The following L3MBTL4 variants were observed in gnomAD, a reference collection of about 807,000 sequenced individuals.
L3MBTL4 encodes L3MBTL histone methyl-lysine binding protein 4.
L3MBTL4 carries 70 observed loss-of-function variants against 84.5 expected under a neutral mutation model. That is an observed-to-expected ratio of 0.83 (90% CI 0.68 to 1.01). The LOEUF (loss-of-function observed/expected upper bound fraction) is 1.01. Ranked by LOEUF, L3MBTL4 falls within the 50% of genes least tolerant of loss-of-function variation. The pLI is 0.00. For synonymous variants in L3MBTL4, 274 were observed against 259.8 expected, an observed-to-expected ratio of 1.05 and a Z score of -0.52; for missense variants, 715 against 754.8, an observed-to-expected ratio of 0.95 and a Z score of 0.62.
chr18:6,345,215 C>CAAAAAAAAAAAAAAAAAAAAAAA (rs35502624), intron 1 of L3MBTL4, among the ~76,000 whole-genome samples: 2 of 38,482 alleles, frequency 5.2e-5, no homozygotes, highest in Admixed American at 3.6e-4. Flanking sequence ...TACTAAAATA[C>CAAAAAAAAAAAAAAAAAAAAAAA]AAAAAAAAAA....
chr18:6,238,105 A>G, intron 9 of L3MBTL4, 65 bp from the exon 10 acceptor site: 1 of 1,383,930 alleles, frequency 7.2e-7, no homozygotes, highest in East Asian at 2.3e-5. Flanking sequence ...ATTCAAGAGT[A>G]ACAATCATTC....
intron 12 of L3MBTL4, among the ~76,000 whole-genome samples, chr18:6,191,954 C>T (rs1055675686): frequency 6.6e-6 from 1 of 151,334 alleles, no homozygotes; most frequent in Non-Finnish European, 1.5e-5. Context: ...TGCACTACTG[C>T]ACTGCAGCCT....
At chr18:5,959,835 C>T (rs2095253330) in intron 18 of L3MBTL4, among the ~76,000 whole-genome samples, 1 of 151,928 alleles carries the variant, frequency 6.6e-6, no homozygotes, top group African/African-American at 2.4e-5. Context: ...TGCAACAAAA[C>T]CTAGCAAAAT....
intron 4 of L3MBTL4, among the ~76,000 whole-genome samples, chr18:6,282,617 C>T (rs1424287826): frequency 1.3e-5 from 2 of 152,136 alleles, no homozygotes; most frequent in Non-Finnish European, 1.5e-5. Flanking sequence ...GCTTGGAGGC[C>T]TTAGTAAGAA....
intron 14 of L3MBTL4, among the ~76,000 whole-genome samples, chr18:6,132,291 T>A (rs1225295057): frequency 6.6e-6 from 1 of 152,220 alleles, no homozygotes; most frequent in East Asian, 1.9e-4. Context: ...AGTTCTCTAA[T>A]TTTTGTCTTC....
intron 16 of L3MBTL4, among the ~76,000 whole-genome samples, chr18:6,013,605 G>A (rs755407623): frequency 2.6e-5 from 4 of 152,246 alleles, no homozygotes; most frequent in African/African-American, 4.8e-5. Flanking sequence ...GCGCGTCCTC[G>A]GCCCTCTGTG....
rs117263049 is a variant in L3MBTL4 at position 6,054,529 on chromosome 18, T to C, written c.1444+26352A>G. On this transcript the variant is annotated intron_variant, in intron 16 of 18. Coordinates refer to ENST00000317931, the MANE Select transcript of L3MBTL4 (RefSeq NM_001330559.2). ...ACATCCTTCTTTTCCTCCGAGGCCC[T>C]CTGCCCTCGCCCCCGCCCCTTCCCT... Among the ~76,000 whole-genome samples the C allele has an allele frequency of 9.8e-3, 1,488 of 152,306 alleles. 10 individuals are homozygous for C. The highest frequency in any genetic ancestry group is 0.014 in the Non-Finnish European group (941 of 68,022).
intron 14 of L3MBTL4, among the ~76,000 whole-genome samples, chr18:6,123,495 T>G (rs1245880047): frequency 6.6e-6 from 1 of 152,192 alleles, no homozygotes; most frequent in Non-Finnish European, 1.5e-5. Flanking sequence ...GCTGTTCCCC[T>G]GCATAGGCTC....
At chr18:6,373,219 C>T (rs1177670723) in intron 1 of L3MBTL4, among the ~76,000 whole-genome samples, 4 of 152,170 alleles carry the variant, frequency 2.6e-5, no homozygotes, top group African/African-American at 9.7e-5. Flanking sequence ...GTCTCTGCAA[C>T]CTCATCCGTG....
intron 12 of L3MBTL4, among the ~76,000 whole-genome samples, chr18:6,182,543 A>G (rs1489438943): frequency 6.6e-6 from 1 of 152,190 alleles, no homozygotes; most frequent in East Asian, 1.9e-4. Context: ...CTTTAGCTTA[A>G]TTAGGTCCAA....
At chr18:6,212,068 TAA>T (rs1568322323) in intron 12 of L3MBTL4, among the ~76,000 whole-genome samples, 1 of 152,182 alleles carries the variant, frequency 6.6e-6, no homozygotes, top group African/African-American at 2.4e-5. Context: ...CAGAAATAAA[TAA>T]GAGTTAAAGC....
intron 12 of L3MBTL4, among the ~76,000 whole-genome samples, chr18:6,197,802 C>A (rs1037393861): frequency 6.6e-6 from 1 of 152,216 alleles, no homozygotes; most frequent in Non-Finnish European, 1.5e-5. Flanking sequence ...TCCTGCCAGA[C>A]CCAGATTTCT....
chr18:6,196,154 C>T (rs1241010285), intron 12 of L3MBTL4, among the ~76,000 whole-genome samples: 2 of 139,648 alleles, frequency 1.4e-5, no homozygotes, highest in South Asian at 2.2e-4. Context: ...ATCTAGAGTT[C>T]CTCTTTTTTT....
At chr18:6,031,768 C>G in intron 16 of L3MBTL4, 2 of 984,670 alleles carry the variant, frequency 2.0e-6, no homozygotes, top group Non-Finnish European at 2.4e-6. Flanking sequence ...CTCTGTGTGC[C>G]TATCTGCAGT....
At chr18:6,325,172 A>G (rs913065193) in intron 1 of L3MBTL4, among the ~76,000 whole-genome samples, 2 of 152,210 alleles carry the variant, frequency 1.3e-5, no homozygotes, top group East Asian at 1.9e-4. Flanking sequence ...AAATTAAGAG[A>G]TAAGTTCATG....
chr18:6,079,609 T>C (rs1251389708), intron 16 of L3MBTL4, among the ~76,000 whole-genome samples: 1 of 152,216 alleles, frequency 6.6e-6, no homozygotes, highest in Non-Finnish European at 1.5e-5. Context: ...ATTTATGATA[T>C]GAACTACAAA....
chr18:6,266,503 G>A (rs1250436178), intron 4 of L3MBTL4, among the ~76,000 whole-genome samples: 2 of 152,164 alleles, frequency 1.3e-5, no homozygotes, highest in African/African-American at 4.8e-5. Flanking sequence ...CACCAGAGAT[G>A]ACAGGAGGTA....
intron 16 of L3MBTL4, among the ~76,000 whole-genome samples, chr18:5,982,586 C>T (rs1472878357): frequency 6.6e-6 from 1 of 152,118 alleles, no homozygotes. Flanking sequence ...GAAAATGCCC[C>T]GTACAGAGTC....
At chr18:6,027,730 T>C (rs1441028568) in intron 16 of L3MBTL4, among the ~76,000 whole-genome samples, 2 of 152,240 alleles carry the variant, frequency 1.3e-5, no homozygotes, top group African/African-American at 4.8e-5. Flanking sequence ...ATCACCATTC[T>C]AACTGGCGTG....
Sources: allele counts gnomAD v4.1 joint callset (sites outside exome capture counted in the v4.1 genomes callset), GRCh38; gene constraint gnomAD v4.1.1; transcripts MANE v1.5; gene names NCBI Gene and HGNC (gene_info 2026-07-23, HGNC 2026-07-21).